Variants in UNC79 observed in about 807,000 individuals in gnomAD.
UNC79 encodes the protein protein unc-79 homolog.
Under a neutral mutation model 283.1 loss-of-function variants are expected in UNC79, and 37 were observed. That is an observed-to-expected ratio of 0.13 (90% confidence interval 0.10 to 0.17). The LOEUF (loss-of-function observed/expected upper bound fraction) is 0.17, where lower values mean the gene tolerates loss of function less well. UNC79 is among the 10% of genes least tolerant of loss of function. UNC79 has a pLI of 1.00. For missense variants in UNC79, 2,272 were observed against 3,211.1 expected (o/e 0.71, Z 7.07); for synonymous variants, 1,107 against 1,200.2 (o/e 0.92, Z 1.61).
intron 7 of UNC79, among the ~76,000 whole-genome samples, chr14:93,503,479 CT>C (rs1437026106): frequency 6.6e-6 from 1 of 152,102 alleles, no homozygotes; most frequent in Non-Finnish European, 1.5e-5. Context: ...TGGCAAACAG[CT>C]TTCCAAAGTA....
intron 5 of UNC79, among the ~76,000 whole-genome samples, chr14:93,493,010 A>G (rs1486801354): frequency 6.6e-6 from 1 of 152,182 alleles, no homozygotes; most frequent in Non-Finnish European, 1.5e-5. Context: ...CGAGAAGACA[A>G]TCAAATAATC....
chr14:93,558,031 A>C (rs2062276568), intron 14 of UNC79, among the ~76,000 whole-genome samples: 1 of 152,210 alleles, frequency 6.6e-6, no homozygotes, highest in Non-Finnish European at 1.5e-5. Flanking sequence ...ACATAAAACA[A>C]GACAAGAGGG....
intron 23 of UNC79, among the ~76,000 whole-genome samples, chr14:93,595,956 C>T (rs146073165): frequency 7.9e-5 from 12 of 151,936 alleles, no homozygotes; most frequent in Admixed American, 2.6e-4. Flanking sequence ...TTAAAATAAG[C>T]GAATCAGTGA....
At chr14:93,389,542 T>G (rs1377576911) in intron 1 of UNC79, among the ~76,000 whole-genome samples, 2 of 152,124 alleles carry the variant, frequency 1.3e-5, no homozygotes, top group Non-Finnish European at 2.9e-5. Flanking sequence ...GTTGGAGTTC[T>G]TGGAGGTGGA....
In UNC79 at chr14:93,688,592, CTTCTT is replaced by C. The variant is rs1336360716; in HGVS notation, c.6910-69_6910-65del. On this transcript the variant is annotated intron_variant, in intron 43 of 48. Transcript: ENST00000555664. This position sits in a 1 kb window ranked among gnomAD's most constrained non-coding sequence, Gnocchi z 4.0. ...ATAAGCGGGGTGGAAATGACAACCT[CTTCTT>C]TTCAAAGAATGGCCTGGAATGAATC... is the stretch of plus-strand genomic sequence containing the variant. 25 of 1,536,148 alleles carry C rather than the reference CTTCTT, an allele frequency of 1.6e-5. No individual in the cohort carries two copies. The Admixed American group carries it at 4.4e-4, about 27-fold the overall frequency.
intron 1 of UNC79, among the ~76,000 whole-genome samples, chr14:93,441,260 T>G (rs2056289828): frequency 6.6e-6 from 1 of 152,006 alleles, no homozygotes; most frequent in African/African-American, 2.4e-5. Context: ...CGTTTTCTTT[T>G]TATTTGTGTT....
At chr14:93,515,911 T>A (rs1381960085) in intron 7 of UNC79, among the ~76,000 whole-genome samples, 1 of 152,036 alleles carries the variant, frequency 6.6e-6, no homozygotes. Context: ...TTGTGGTCCT[T>A]TTTTTGGTCT....
At chr14:93,580,508 A>G in intron 19 of UNC79, 132 bp downstream of exon 19, 4 of 916,218 alleles carry the variant, frequency 4.4e-6, no homozygotes, top group Non-Finnish European at 6.3e-6. Flanking sequence ...TGTTAAAAGA[A>G]ACTTTTCCCA....
intron 20 of UNC79, among the ~76,000 whole-genome samples, chr14:93,584,082 C>G (rs948180276): frequency 6.6e-6 from 1 of 152,152 alleles, no homozygotes; most frequent in African/African-American, 2.4e-5. Flanking sequence ...GCTAGGATTA[C>G]AGCATGAGCC....
intron 9 of UNC79, among the ~76,000 whole-genome samples, chr14:93,529,036 G>T (rs1000264475): frequency 6.6e-6 from 1 of 152,184 alleles, no homozygotes. Flanking sequence ...TACAGATCAT[G>T]CAGTATTTTG....
At chr14:93,509,127 C>G (rs2059690285) in intron 7 of UNC79, among the ~76,000 whole-genome samples, 1 of 152,032 alleles carries the variant, frequency 6.6e-6, no homozygotes, top group Non-Finnish European at 1.5e-5. Flanking sequence ...GAAGTGTGTA[C>G]ACATCCTTTT....
intron 1 of UNC79, among the ~76,000 whole-genome samples, chr14:93,466,372 G>C (rs779095139): frequency 6.6e-6 from 1 of 152,240 alleles, no homozygotes; most frequent in Non-Finnish European, 1.5e-5. Context: ...TCACGTTCAC[G>C]TGGACATAAT....
At chr14:93,435,179 T>A (rs1201143457) in intron 1 of UNC79, among the ~76,000 whole-genome samples, 1 of 152,246 alleles carries the variant, frequency 6.6e-6, no homozygotes, top group African/African-American at 2.4e-5. Context: ...AAACTTCTTA[T>A]AGAGGAAACT....
In UNC79 at chr14:93,663,043, A is replaced by G. The variant is rs200723236; in HGVS notation, c.6636+329A>G. Among the ~76,000 whole-genome samples, 5 of 152,320 alleles carry G rather than the reference A, an allele frequency of 3.3e-5. No homozygotes were observed. The East Asian group carries it at 9.6e-4, about 29-fold the overall frequency. On this transcript the variant is annotated intron_variant, in intron 40 of 48. Coordinates refer to ENST00000555664, the Ensembl canonical transcript of UNC79. ...TCTTAAGGTCCTTTTCAAGTTCATC[A>G]TCCCATGATTAGTGGGGCAAGGCAT...
intron 14 of UNC79, among the ~76,000 whole-genome samples, chr14:93,566,189 C>T (rs1252052284): frequency 6.6e-6 from 1 of 152,154 alleles, no homozygotes; most frequent in Admixed American, 6.5e-5. Context: ...AAATGTTCCC[C>T]ATGTCCTGTG....
rs1021710223 is a variant in UNC79 at position 93,430,697 on chromosome 14, C to T, written c.-333C>T. ...TCCTCCCCCGGTCGAGCCCATTTTC[C>T]CATTTCACCAGGAGCCGCAGCCTGC... On this transcript the variant is annotated 5_prime_UTR_variant, in exon 1 of 49. Coordinates refer to ENST00000555664, the Ensembl canonical transcript of UNC79. The surrounding 1 kb of genome is among the most constrained non-coding windows in gnomAD (Gnocchi z 4.6). The T allele has an allele frequency of 3.9e-6, 1 of 253,742 alleles. No individual in the cohort carries two copies. Among genetic ancestry groups the T allele is most frequent in the African/African-American group, 2.2e-5 (1 of 45,422 alleles). The allele number at this position is 253,742 out of a possible 1,614,324, so 15.7% of individuals were successfully genotyped here. A position where few individuals can be genotyped will look rare whatever the true frequency, so the allele number is the denominator to read the frequency against.
intron 1 of UNC79, among the ~76,000 whole-genome samples, chr14:93,403,872 C>CTT (rs35901461): frequency 8.7e-5 from 12 of 137,750 alleles, no homozygotes; most frequent in South Asian, 2.3e-4. Context: ...GAGCTAGACT[C>CTT]TTTTTTTTTT....
At chr14:93,460,444 A>G (rs1347325251) in intron 1 of UNC79, among the ~76,000 whole-genome samples, 2 of 144,040 alleles carry the variant, frequency 1.4e-5, no homozygotes, top group Non-Finnish European at 3.0e-5. Context: ...TGGGAGGTGG[A>G]GGTTGCAGTG....
intron 1 of UNC79, among the ~76,000 whole-genome samples, chr14:93,418,107 G>C (rs931582544): frequency 4.6e-5 from 7 of 151,688 alleles, no homozygotes; most frequent in Non-Finnish European, 4.4e-5. Context: ...GCTTTTTAGA[G>C]TTTCCAGTTT....
Sources: allele counts gnomAD v4.1 joint callset (sites outside exome capture counted in the v4.1 genomes callset), GRCh38; gene constraint gnomAD v4.1.1; non-coding constraint Gnocchi (gnomAD v3.1); transcripts MANE v1.5; gene names NCBI Gene and HGNC (gene_info 2026-07-23, HGNC 2026-07-21).